The following AFDN variants were observed in gnomAD, a reference collection of about 807,000 sequenced individuals.
The protein encoded by AFDN is afadin, adherens junction formation factor, also known as afadin.
AFDN carries 68 observed loss-of-function variants against 216.6 expected under a neutral mutation model. The observed-to-expected ratio is 0.31, with a 90% CI of 0.26 to 0.38. The LOEUF is 0.38. AFDN is among the 10% of genes least tolerant of loss of function. AFDN has a pLI of 1.00. For synonymous variants in AFDN, 868 were observed against 853.7 expected, an observed-to-expected ratio of 1.02 and a Z score of -0.29; for missense variants, 2,136 against 2,342.0, an observed-to-expected ratio of 0.91 and a Z score of 1.82.
At chr6:167,920,162 T>G (rs966305311) in intron 21 of AFDN, among the ~76,000 whole-genome samples, 1 of 151,786 alleles carries the variant, frequency 6.6e-6, no homozygotes, top group South Asian at 2.1e-4. Flanking sequence ...GGAAAGTGTG[T>G]GTGAAGGAAG....
intron 21 of AFDN, among the ~76,000 whole-genome samples, chr6:167,920,390 A>G (rs540050612): frequency 1.7e-4 from 26 of 152,270 alleles, no homozygotes; most frequent in East Asian, 1.2e-3. Flanking sequence ...ACAGCTTCCA[A>G]GCGGCAGGCA....
chr6:167,960,785 G>A lies in AFDN; in HGVS notation c.4834-1648G>A, dbSNP rs984805827. ...GGTTCTGTCAACTCAAGGGCAAGGC[G>A]TCACCGACGGCTTCCTTGTGGGTTC... On this transcript the variant is annotated intron_variant, in intron 30 of 33. Coordinates refer to ENST00000683244, the MANE Select transcript of AFDN (RefSeq NM_001386888.1). 5.3e-5 allele frequency among the ~76,000 whole-genome samples: 8 copies of A among 152,156 alleles called. No homozygotes were observed. In the East Asian group the frequency reaches 5.8e-4, roughly 11 times the overall value.
chr6:167,911,526 T>C, intron 15 of AFDN, 37 bp downstream of exon 15: 2 of 1,593,150 alleles, frequency 1.3e-6, no homozygotes, highest in Non-Finnish European at 1.7e-6. Flanking sequence ...CCTCCAGTGA[T>C]TGTGGTTGTA....
chr6:167,946,289 CAG>C (rs1258711563), intron 26 of AFDN, among the ~76,000 whole-genome samples: 31 of 152,350 alleles, frequency 2.0e-4, no homozygotes, highest in Admixed American at 2.0e-3. Context: ...GGAGAACTGA[CAG>C]AAGCGGCCGC....
chr6:167,961,930 G>A (rs895391693), intron 30 of AFDN, among the ~76,000 whole-genome samples: 8 of 152,248 alleles, frequency 5.3e-5, no homozygotes, highest in African/African-American at 1.4e-4. Context: ...ACGACTGCCC[G>A]GCCCACTGGA....
intron 22 of AFDN, 169 bp from the exon 23 acceptor site, chr6:167,924,836 A>C: frequency 7.4e-6 from 5 of 674,934 alleles, no homozygotes; most frequent in Non-Finnish European, 1.4e-5. Flanking sequence ...CCAGATTAAT[A>C]CCTGAAGAGT....
In AFDN at chr6:167,965,750, C is replaced by A; in HGVS notation, c.4969-7C>A. 1 of 1,526,262 alleles carries A rather than the reference C, an allele frequency of 6.6e-7. No homozygotes were observed. Among genetic ancestry groups the A allele is most frequent in the East Asian group, 2.3e-5 (1 of 43,234 alleles). The allele number at this position is 1,526,262 out of a possible 1,614,324, so 94.5% of individuals were successfully genotyped here. On this transcript the variant is annotated splice_polypyrimidine_tract_variant and splice_region_variant and intron_variant, in intron 31 of 33. Coordinates refer to ENST00000683244, the MANE Select transcript of AFDN (RefSeq NM_001386888.1). ...ACCTTTGCACTCTTGTCTATTCCCG[C>A]CCGCAGAGGCGACAGGAAGAAGGGT...
At chr6:167,911,010 TA>T in intron 13 of AFDN, 90 bp from the exon 14 acceptor site, 1 of 1,038,666 alleles carries the variant, frequency 9.6e-7, no homozygotes, top group Non-Finnish European at 1.5e-6. Context: ...TATATAGATT[TA>T]AAAAGTAGTT....
At chr6:167,908,903 T>A (rs1208938397) in intron 13 of AFDN, among the ~76,000 whole-genome samples, 1 of 152,172 alleles carries the variant, frequency 6.6e-6, no homozygotes, top group Non-Finnish European at 1.5e-5. Context: ...GATGCAGTCA[T>A]GAAAAATTTA....
chr6:167,915,337 T>G lies in AFDN; in HGVS notation c.2469T>G (p.Gly823=). 6.2e-7 allele frequency: 1 copy of G among 1,614,188 alleles called. No individual in the cohort carries two copies. Among genetic ancestry groups the G allele is most frequent in the Non-Finnish European group, 8.5e-7 (1 of 1,180,036 alleles). ...PDSGLCSHYW[G]AIIRQQLGHI... is the part of the protein sequence containing the mutation. ...CGGGGCTGTGCTCCCATTACTGGGG[T>G]GCGATTATCCGTCAGCAGTTGGGCC... is the stretch of plus-strand genomic sequence containing the variant. Residue 823 remains glycine (G), a synonymous_variant, in exon 19 of 34, where the codon GGT becomes GGG. Coordinates refer to ENST00000683244, the MANE Select transcript of AFDN (RefSeq NM_001386888.1).
chr6:167,899,540 A>G (rs575420183), intron 11 of AFDN, among the ~76,000 whole-genome samples: 2 of 152,062 alleles, frequency 1.3e-5, no homozygotes, highest in African/African-American at 2.4e-5. Flanking sequence ...GTCCCTTGTC[A>G]TTAGCTTTAC....
At chr6:167,957,276 T>C (rs1457758947) in intron 30 of AFDN, among the ~76,000 whole-genome samples, 1 of 152,212 alleles carries the variant, frequency 6.6e-6, no homozygotes, top group Non-Finnish European at 1.5e-5. Context: ...TCTGTGGACA[T>C]GCTATACACA....
At chr6:167,920,031 A>G (rs1436041945) in intron 21 of AFDN, among the ~76,000 whole-genome samples, 1 of 152,214 alleles carries the variant, frequency 6.6e-6, no homozygotes, top group Non-Finnish European at 1.5e-5. Flanking sequence ...TGCTTCTTTA[A>G]TGAAATGTGT....
intron 29 of AFDN, among the ~76,000 whole-genome samples, chr6:167,950,194 T>G (rs1442861166): frequency 1.3e-5 from 2 of 152,214 alleles, no homozygotes; most frequent in East Asian, 3.8e-4. Context: ...TCATCTTTGT[T>G]GTTGGTTTGC....
chr6:167,962,821 G>A lies in AFDN; in HGVS notation c.4968+254G>A. 2.3e-6 allele frequency: 3 copies of A among 1,320,788 alleles called. No individual in the cohort carries two copies. Among genetic ancestry groups the A allele is most frequent in the Non-Finnish European group, 2.9e-6 (3 of 1,032,430 alleles). The allele number at this position is 1,320,788 out of a possible 1,614,324, so 81.8% of individuals were successfully genotyped here. A position where few individuals can be genotyped will look rare whatever the true frequency, so the allele number is the denominator to read the frequency against. ...CAAACTTCTGAACTCTTGGGCGTGT[G>A]TAGCAGTGAGCCTCTTTGCAAAGGG... On this transcript the variant is annotated intron_variant, in intron 31 of 33. Coordinates refer to ENST00000683244, the MANE Select transcript of AFDN (RefSeq NM_001386888.1). This position sits in a 1 kb window ranked among gnomAD's most constrained non-coding sequence, Gnocchi z 5.2.
At chr6:167,913,990 C>A in intron 16 of AFDN, 178 bp from the exon 17 acceptor site, 1 of 562,046 alleles carries the variant, frequency 1.8e-6, no homozygotes, top group Non-Finnish European at 3.1e-6. Context: ...TGGTTATTTA[C>A]TTCCCATTGC....
At chr6:167,969,348 G>A in intron 33 of AFDN, 150 bp downstream of exon 33, 2 of 662,112 alleles carry the variant, frequency 3.0e-6, no homozygotes, top group South Asian at 1.9e-5. Context: ...TGCCCCAAGT[G>A]TTCTTAAAAC....
chr6:167,833,754 A>G (rs533152010), intron 1 of AFDN, among the ~76,000 whole-genome samples: 2 of 152,268 alleles, frequency 1.3e-5, no homozygotes, highest in Admixed American at 1.3e-4. Flanking sequence ...AGTAGAGAAA[A>G]TGAAATGGGA....
At chr6:167,914,600 T>C in intron 17 of AFDN, 44 bp from the exon 18 acceptor site, 1 of 1,348,812 alleles carries the variant, frequency 7.4e-7, no homozygotes, top group Non-Finnish European at 1.1e-6. Context: ...TGACAATAGC[T>C]GTCTGTCATG....
Sources: gnomAD v4.1 joint callset for allele counts (sites outside exome capture counted in the v4.1 genomes callset) on GRCh38, gnomAD v4.1.1 for gene constraint, Gnocchi (gnomAD v3.1) non-coding constraint, MANE v1.5 for transcripts, NCBI Gene and HGNC (gene_info 2026-07-23, HGNC 2026-07-21) for gene names.